The following IKBKE variants were observed in gnomAD, a reference collection of about 807,000 sequenced individuals.
The protein encoded by IKBKE is inhibitor of nuclear factor kappa B kinase subunit epsilon, also known as inhibitor of nuclear factor kappa-B kinase subunit epsilon.
In IKBKE, 45 loss-of-function variants were observed where a neutral mutation model predicts 92.1. The ratio of observed to expected loss-of-function variants is 0.49; its 90% CI spans 0.38 to 0.63. The LOEUF (loss-of-function observed/expected upper bound fraction) is 0.63, where lower values mean the gene tolerates loss of function less well. Among genes scored for constraint, IKBKE ranks in the 20% least tolerant of loss-of-function variants. IKBKE has a pLI of 0.00. For missense variants in IKBKE, 700 were observed against 932.8 expected (o/e 0.75, Z 3.25); for synonymous variants, 374 against 380.3 (o/e 0.98, Z 0.19).
chr1:206,491,522 CTGTGGACGCAGGGCTT>C (rs1230869237), intron 17 of IKBKE, 110 bp from the exon 18 acceptor site: 5 of 659,018 alleles, frequency 7.6e-6, no homozygotes, highest in Non-Finnish European at 1.4e-5. Flanking sequence ...CATAGCCCTG[CTGTGGACGCAGGGCTT>C]GGGCACTTAC....
At chr1:206,472,835 C>T in intron 2 of IKBKE, 1 of 266,186 alleles carries the variant, frequency 3.8e-6, no homozygotes, top group Non-Finnish European at 7.2e-6. Flanking sequence ...AGCCTGGATG[C>T]CAAAACCCCA....
chr1:206,472,784 C>T (rs782753498), intron 2 of IKBKE: 3 of 220,694 alleles, frequency 1.4e-5, no homozygotes, highest in Non-Finnish European at 2.7e-5. Context: ...TGACCCTGGG[C>T]CCTTCCTCCT....
chr1:206,494,360 A>G (rs1553391564), intron 21 of IKBKE, among the ~76,000 whole-genome samples: 1 of 152,120 alleles, frequency 6.6e-6, no homozygotes, highest in East Asian at 1.9e-4. Flanking sequence ...GTGCTACCCC[A>G]GGAAGCCACA....
Position 206,478,413 on chromosome 1 carries a change from C to A in IKBKE, c.992+74C>A. ...CAGCAGTGCATGTCCAAAGCAGCAT[C>A]TCCCACAGTACGTTCTGAGGAGTGT... On this transcript the variant is annotated intron_variant, in intron 9 of 21. Transcript: ENST00000581977. This position sits in a 1 kb window ranked among gnomAD's most constrained non-coding sequence, Gnocchi z 4.8. 7.0e-7 allele frequency: 1 copy of A among 1,438,394 alleles called. No homozygotes were observed. Among genetic ancestry groups the A allele is most frequent in the Non-Finnish European group, 9.7e-7 (1 of 1,036,138 alleles). 89.1% of individuals were successfully genotyped at this position (1,438,394 alleles called of 1,614,324 possible). A position where few individuals can be genotyped will look rare whatever the true frequency, so the allele number is the denominator to read the frequency against.
chr1:206,471,799 G>T (rs782767866), intron 2 of IKBKE, among the ~76,000 whole-genome samples: 11 of 152,244 alleles, frequency 7.2e-5, no homozygotes, highest in Admixed American at 2.6e-4. Context: ...TCAATGAAAT[G>T]ACATTATCAA....
chr1:206,487,801 A>C lies in IKBKE; in HGVS notation c.1617-113A>C. Reference sequence around the variant, plus strand: ...CCTCCACTCCCAGACTGATCCCCCAAAACTGTGGCTGTGAGGCTCCTCCCC... The same window carrying C: ...CCTCCACTCCCAGACTGATCCCCCACAACTGTGGCTGTGAGGCTCCTCCCC... On this transcript the variant is annotated intron_variant, in intron 15 of 21. Coordinates refer to ENST00000581977, the MANE Select transcript of IKBKE (RefSeq NM_014002.4). The surrounding 1 kb of genome is among the most constrained non-coding windows in gnomAD (Gnocchi z 5.3). 1 of 792,726 alleles carries C rather than the reference A, an allele frequency of 1.3e-6. No homozygotes were observed. The highest frequency in any genetic ancestry group is 2.1e-6 in the Non-Finnish European group (1 of 472,594). 49.1% of individuals were successfully genotyped at this position (792,726 alleles called of 1,614,324 possible).
intron 13 of IKBKE, among the ~76,000 whole-genome samples, chr1:206,483,249 G>T (rs1399352579): frequency 6.6e-6 from 1 of 152,246 alleles, no homozygotes; most frequent in Admixed American, 6.5e-5. Flanking sequence ...AGAGCCTGAG[G>T]CCTGGAGAGC....
In IKBKE at chr1:206,488,027, T is replaced by C. The variant is rs1294211275; in HGVS notation, c.1693+37T>C. 3.4e-6 allele frequency: 5 copies of C among 1,468,296 alleles called. No homozygotes were observed. In the Admixed American group the frequency reaches 5.1e-5, roughly 15 times the overall value. The allele number at this position is 1,468,296 out of a possible 1,614,324, so 91.0% of individuals were successfully genotyped here. A position where few individuals can be genotyped will look rare whatever the true frequency, so the allele number is the denominator to read the frequency against. On this transcript the variant is annotated intron_variant, in intron 16 of 21. Coordinates refer to ENST00000581977, the MANE Select transcript of IKBKE (RefSeq NM_014002.4). Reference sequence around the variant, plus strand: ...GAGGGCAGATGCCCCTTCTCTCTCCTCTGTCTCCCTTCTTTCGCCTTTCTT... The same window carrying C: ...GAGGGCAGATGCCCCTTCTCTCTCCCCTGTCTCCCTTCTTTCGCCTTTCTT...
chr1:206,480,613 A>T, intron 13 of IKBKE, 80 bp downstream of exon 13: 1 of 943,300 alleles, frequency 1.1e-6, no homozygotes, highest in South Asian at 1.4e-5. Flanking sequence ...CCAACAATGC[A>T]CCTCTTCTCC....
intron 2 of IKBKE, among the ~76,000 whole-genome samples, chr1:206,472,128 T>C (rs7528162): frequency 0.082 from 12,475 of 152,234 alleles, 969 homozygotes; most frequent in African/African-American, 0.21. Context: ...TGCACACCTA[T>C]GGTCCTAAGC....
chr1:206,478,689 G>A lies in IKBKE; in HGVS notation c.993-254G>A, dbSNP rs140293239. On this transcript the variant is annotated intron_variant, in intron 9 of 21. Transcript: ENST00000581977. The surrounding 1 kb of genome is among the most constrained non-coding windows in gnomAD (Gnocchi z 4.8). ...GTAAATTTTAATGGCAGTGTGACAGGAAGAGGTGCAGAGGCAAAGGCTGGG... is the reference window on the plus strand; with the variant it reads ...GTAAATTTTAATGGCAGTGTGACAGAAAGAGGTGCAGAGGCAAAGGCTGGG... Among the ~76,000 whole-genome samples the A allele has an allele frequency of 1.2e-4, 19 of 152,258 alleles. No homozygotes were observed. Among genetic ancestry groups the A allele is most frequent in the Middle Eastern group, 6.8e-3 (2 of 294 alleles).
rs1052122052 is a variant in IKBKE at position 206,474,429 on chromosome 1, G to C, written c.186G>C (p.Leu62=). 1.2e-6 allele frequency: 2 copies of C among 1,614,158 alleles called. No individual in the cohort carries two copies. The highest frequency in any genetic ancestry group is 1.6e-4 in the Middle Eastern group (1 of 6,062). The stretch of plus-strand genomic sequence containing the variant: ...GGGAGTTTGAGGTCCTGCGGAAGCT[G>C]AACCACCAGAACATTGTCAAGCTCT... ...QVREFEVLRK[L]NHQNIVKLFA... The change falls in exon 4 of 22, where the codon CTG becomes CTC. Residue 62 remains leucine (L), a synonymous_variant. Transcript: ENST00000581977.
chr1:206,494,108 G>C (rs2184030), intron 21 of IKBKE, 117 bp downstream of exon 21: 27,418 of 786,386 alleles, frequency 0.035, 1,870 homozygotes, highest in African/African-American at 0.23. Flanking sequence ...GTCCATTTTC[G>C]AAGAAGCCCT....
Position 206,490,800 on chromosome 1 carries a change from TTCTG to T in IKBKE, c.1694-13_1694-10del, listed in dbSNP as rs1665908402. 1 of 1,613,694 alleles carries T rather than the reference TTCTG, an allele frequency of 6.2e-7. No homozygotes were observed. The highest frequency in any genetic ancestry group is 8.5e-7 in the Non-Finnish European group (1 of 1,179,556). The stretch of plus-strand genomic sequence containing the variant: ...TGACTGATTGAATAGGTGACATCTG[TTCTG>T]TCTGTTTCCTCCAGGGCTTGGCTAC... On this transcript the variant is annotated splice_polypyrimidine_tract_variant and intron_variant, in intron 16 of 21. Transcript: ENST00000581977. The surrounding 1 kb of genome is among the most constrained non-coding windows in gnomAD (Gnocchi z 5.2).
At chr1:206,471,081 G>C (rs868943832) in intron 1 of IKBKE, 75 bp from the exon 2 acceptor site, 1 of 152,346 alleles carries the variant, frequency 6.6e-6, no homozygotes, top group South Asian at 2.1e-4. Flanking sequence ...GGCTAGGGCC[G>C]GCGGCCTTTG....
intron 2 of IKBKE, among the ~76,000 whole-genome samples, chr1:206,472,590 C>T (rs1664837175): frequency 8.5e-6 from 1 of 118,114 alleles, no homozygotes; most frequent in African/African-American, 4.8e-5. Flanking sequence ...CACACTCTCA[C>T]ACACACACAC....
At chr1:206,488,601 G>A (rs1425387385) in intron 16 of IKBKE, among the ~76,000 whole-genome samples, 3 of 152,128 alleles carry the variant, frequency 2.0e-5, no homozygotes, top group African/African-American at 7.2e-5. Flanking sequence ...CTGGTGAGGG[G>A]GTTGGAGGGA....
chr1:206,494,109 AAG>A (rs1666097252), intron 21 of IKBKE, 118 bp downstream of exon 21: 10 of 753,568 alleles, frequency 1.3e-5, no homozygotes, highest in Non-Finnish European at 2.2e-5. Flanking sequence ...TCCATTTTCG[AAG>A]AAGCCCTGTT....
In IKBKE at chr1:206,496,763, C is replaced by G. The variant is rs942004862; in HGVS notation, c.*618C>G. On this transcript the variant is annotated 3_prime_UTR_variant, in exon 22 of 22. Coordinates refer to ENST00000581977, the MANE Select transcript of IKBKE (RefSeq NM_014002.4). ...AGGCCAGTGCCAGTGTCTTGGGGCC[C>G]CTTTGGCTCTCCCTCACTCTCTGAG... The G allele has an allele frequency of 4.3e-6, 1 of 232,710 alleles. No individual in the cohort carries two copies. Among genetic ancestry groups the G allele is most frequent in the Non-Finnish European group, 8.5e-6 (1 of 117,754 alleles). The allele number at this position is 232,710 out of a possible 1,614,324, so 14.4% of individuals were successfully genotyped here. A position where few individuals can be genotyped will look rare whatever the true frequency, so the allele number is the denominator to read the frequency against.
Sources: allele counts gnomAD v4.1 joint callset (sites outside exome capture counted in the v4.1 genomes callset), GRCh38; gene constraint gnomAD v4.1.1; non-coding constraint Gnocchi (gnomAD v3.1); transcripts MANE v1.5; gene names NCBI Gene and HGNC (gene_info 2026-07-23, HGNC 2026-07-21).